Variants in RAI2 observed in about 807,000 individuals in gnomAD.
The protein encoded by RAI2 is retinoic acid induced 2, also known as retinoic acid-induced protein 2.
A neutral mutation model predicts 15.3 loss-of-function variants in RAI2; 5 were observed. That is an observed-to-expected ratio of 0.33 (90% CI 0.17 to 0.69). The LOEUF (loss-of-function observed/expected upper bound fraction) is 0.69. Among genes scored for constraint, RAI2 ranks in the 30% least tolerant of loss-of-function variants. RAI2 has a pLI of 0.69. For missense variants in RAI2, 424 were observed against 424.7 expected (o/e 1.00, Z 0.01); for synonymous variants, 191 against 184.0 (o/e 1.04, Z -0.31).
intron 1 of RAI2, among the ~76,000 whole-genome samples, chrX:17,816,137 T>C (rs182070476): frequency 9.3e-6 from 1 of 107,946 alleles, no homozygotes; most frequent in East Asian, 3.0e-4. Flanking sequence ...ACTAAGCATT[T>C]ACCATGCTCC....
At chrX:17,828,254 A>G (rs1382392257) in intron 1 of RAI2, among the ~76,000 whole-genome samples, 2 of 110,289 alleles carry the variant, frequency 1.8e-5, no homozygotes. Flanking sequence ...CCATCTGTGA[A>G]TCACCGAGAA....
At chrX:17,827,388 A>G (rs908774125) in intron 1 of RAI2, among the ~76,000 whole-genome samples, 1 of 112,245 alleles carries the variant, frequency 8.9e-6, no homozygotes, top group African/African-American at 3.2e-5. Context: ...GCTGTATTTA[A>G]CAGAACTTCT....
chrX:17,809,609 GT>G (rs979690281), intron 1 of RAI2, among the ~76,000 whole-genome samples: 1 of 111,620 alleles, frequency 9.0e-6, no homozygotes, highest in African/African-American at 3.3e-5. Flanking sequence ...GTGTGTGTGT[GT>G]TAAGGGGAGT....
At chrX:17,815,211 C>A (rs2067092384) in intron 1 of RAI2, among the ~76,000 whole-genome samples, 2 of 111,298 alleles carry the variant, frequency 1.8e-5, no homozygotes, top group Non-Finnish European at 3.8e-5. Context: ...GGAAAAAGAT[C>A]GGCTGTATAA....
Position 17,801,051 on chromosome X carries a change from G to A in RAI2, c.960C>T (p.Ser320=). The change falls in exon 2 of 2, where the codon TCC becomes TCT. Residue 320 remains serine, a synonymous_variant. Coordinates refer to ENST00000451717, the MANE Select transcript of RAI2 (RefSeq NM_021785.6). The part of the protein sequence containing the change: ...MGSENEALDL[S]MKSVPWLKAG... ...CCTTGAGCCAGGGCACTGACTTCAT[G>A]GAGAGATCCAGGGCCTCGTTCTCAC... is the stretch of plus-strand genomic sequence containing the variant. 8.3e-7 allele frequency: 1 copy of A among 1,211,781 alleles called. No homozygotes were observed. Among genetic ancestry groups the A allele is most frequent in the Non-Finnish European group, 1.1e-6 (1 of 895,426 alleles).
chrX:17,846,760 C>A (rs1190288491), intron 1 of RAI2, among the ~76,000 whole-genome samples: 1 of 111,580 alleles, frequency 9.0e-6, no homozygotes, highest in Non-Finnish European at 1.9e-5. Context: ...CACCAGGGGG[C>A]CCAAAAGACA....
At chrX:17,846,918 C>T (rs1014373619) in intron 1 of RAI2, among the ~76,000 whole-genome samples, 3 of 111,737 alleles carry the variant, frequency 2.7e-5, no homozygotes, top group Admixed American at 9.4e-5. Flanking sequence ...GGAGTGGTTT[C>T]CCCCATACTG....
chrX:17,813,365 G>C (rs1412788747), intron 1 of RAI2, among the ~76,000 whole-genome samples: 2 of 111,863 alleles, frequency 1.8e-5, no homozygotes, highest in Non-Finnish European at 3.8e-5. Flanking sequence ...GACTGATAAG[G>C]CTGAAGTATT....
Position 17,801,455 on chromosome X carries a change from C to T in RAI2, c.556G>A (p.Ala186Thr). The change falls in exon 2 of 2, where the codon GCT becomes ACT. Residue 186 changes from alanine to threonine, a missense_variant. By Grantham distance (58) the Ala-to-Thr change is moderately conservative. Coordinates refer to ENST00000451717, the MANE Select transcript of RAI2 (RefSeq NM_021785.6). The part of the protein sequence containing the change: ...QPQEPTLPFE[A>T]VLQNLFPSQG... ...GAGGGAAACAAATTCTGGAGCACAG[C>T]TTCAAATGGCAAAGTGGGCTCCTGC... The T allele has an allele frequency of 8.6e-7, 1 of 1,166,200 alleles. No individual in the cohort carries two copies. Among genetic ancestry groups the T allele is most frequent in the Non-Finnish European group, 1.1e-6 (1 of 873,697 alleles).
intron 1 of RAI2, among the ~76,000 whole-genome samples, chrX:17,813,193 GA>G (rs1415226656): frequency 9.0e-6 from 1 of 110,978 alleles, no homozygotes; most frequent in Non-Finnish European, 1.9e-5. Context: ...TCAGTCCCAG[GA>G]AAAAAATCTA....
At chrX:17,826,833 G>A (rs1369231655) in intron 1 of RAI2, among the ~76,000 whole-genome samples, 1 of 111,542 alleles carries the variant, frequency 9.0e-6, no homozygotes, top group African/African-American at 3.3e-5. Context: ...CATGTAAGAT[G>A]TGCCTTGCTT....
At chrX:17,859,231 ACAC>A (rs1394981516) in intron 1 of RAI2, among the ~76,000 whole-genome samples, 1 of 111,296 alleles carries the variant, frequency 9.0e-6, no homozygotes, top group Non-Finnish European at 1.9e-5. Context: ...AGGCATGTCC[ACAC>A]CACATTTTCA....
chrX:17,839,195 T>C (rs887289072), intron 1 of RAI2, among the ~76,000 whole-genome samples: 2 of 112,249 alleles, frequency 1.8e-5, no homozygotes, highest in Non-Finnish European at 3.8e-5. Context: ...GTGGAGTGAG[T>C]GTCCTGCAAC....
chrX:17,830,706 G>A (rs184911010), intron 1 of RAI2, among the ~76,000 whole-genome samples: 61 of 110,921 alleles, frequency 5.5e-4, no homozygotes, highest in African/African-American at 1.8e-3. Context: ...TTGCTTCCTT[G>A]CAAAGGAAAG....
At chrX:17,827,860 G>A (rs1376077452) in intron 1 of RAI2, among the ~76,000 whole-genome samples, 1 of 111,492 alleles carries the variant, frequency 9.0e-6, no homozygotes, top group Non-Finnish European at 1.9e-5. Context: ...TGGGGAGGTT[G>A]AAGCTTGGGG....
intron 1 of RAI2, among the ~76,000 whole-genome samples, chrX:17,858,187 G>C (rs1396107871): frequency 3.6e-5 from 4 of 111,797 alleles, no homozygotes; most frequent in Non-Finnish European, 7.5e-5. Flanking sequence ...ATAAATAAGA[G>C]ACCTGGAGCA....
chrX:17,804,834 A>AAG (rs2066959400), intron 1 of RAI2, among the ~76,000 whole-genome samples: 1 of 112,145 alleles, frequency 8.9e-6, no homozygotes, highest in African/African-American at 3.2e-5. Context: ...AGTTCTCATC[A>AAG]TTTCCTGTGA....
At chrX:17,844,481 G>A (rs1195973547) in intron 1 of RAI2, among the ~76,000 whole-genome samples, 1 of 112,906 alleles carries the variant, frequency 8.9e-6, no homozygotes, top group Non-Finnish European at 1.9e-5. Context: ...CAGGTTACTG[G>A]CTTGCAGCCT....
Position 17,816,436 on chromosome X carries a change from G to A in RAI2, c.-24-14402C>T, listed in dbSNP as rs5955594. ...CCTGGTTGCGTGCAGAGAGCAGGTG[G>A]GAGTAGAGAAAGGCAGGAAGGAAGA... On this transcript the variant is annotated intron_variant, in intron 1 of 1. Coordinates refer to ENST00000451717, the MANE Select transcript of RAI2 (RefSeq NM_021785.6). Among the ~76,000 whole-genome samples the A allele has an allele frequency of 7.2e-3, 810 of 112,168 alleles. 6 individuals are homozygous for A. Among genetic ancestry groups the A allele is most frequent in the African/African-American group, 0.024 (735 of 30,862 alleles).
Sources: gnomAD v4.1 joint callset for allele counts (sites outside exome capture counted in the v4.1 genomes callset) on GRCh38, gnomAD v4.1.1 for gene constraint, MANE v1.5 for transcripts, NCBI Gene and HGNC (gene_info 2026-07-23, HGNC 2026-07-21) for gene names.